The following ZNF282 variants were observed in gnomAD, a reference collection of about 807,000 sequenced individuals.
ZNF282 encodes the protein HTLV-I U5 repressive element-binding protein 1.
ZNF282 carries 30 observed loss-of-function variants against 61.9 expected under a neutral mutation model. The observed-to-expected ratio is 0.48, with a 90% CI of 0.36 to 0.66. The LOEUF (loss-of-function observed/expected upper bound fraction) is 0.66, where lower values mean the gene tolerates loss of function less well. Among genes scored for constraint, ZNF282 ranks in the 30% least tolerant of loss-of-function variants. The pLI, the probability that ZNF282 is intolerant of heterozygous loss-of-function variation, is 0.00. For synonymous variants in ZNF282, 396 were observed against 405.0 expected, an observed-to-expected ratio of 0.98 and a Z score of 0.27; for missense variants, 788 against 941.4, an observed-to-expected ratio of 0.84 and a Z score of 2.13.
At position 149,210,581 on chromosome 7, in the gene ZNF282, C is replaced by G. The variant is rs745847166; in HGVS notation, c.833-4C>G. 1.9e-6 allele frequency: 3 copies of G among 1,610,250 alleles called. No homozygotes were observed. Among genetic ancestry groups the G allele is most frequent in the Non-Finnish European group, 2.5e-6 (3 of 1,178,444 alleles). On this transcript the variant is annotated splice_polypyrimidine_tract_variant and splice_region_variant and intron_variant, in intron 4 of 7. Coordinates refer to ENST00000610704, the MANE Select transcript of ZNF282 (RefSeq NM_003575.4). ...CACAAAGCAATGTCATTCTCTGTCC[C>G]CAGGAGCAGAGCCCCTGGTGCCTGC...
chr7:149,199,150 G>T (rs141401904), intron 2 of ZNF282, among the ~76,000 whole-genome samples: 1 of 152,158 alleles, frequency 6.6e-6, no homozygotes, highest in South Asian at 2.1e-4. Flanking sequence ...AAACCAGGCT[G>T]CCTGGAGTTG....
In ZNF282 at chr7:149,224,440, A is replaced by C; in HGVS notation, c.1809A>C (p.Gln603His). ...QRLHTGERPF[Q>H]CALCGKSFIR... ...TGCACACGGGCGAGCGGCCTTTCCAATGTGCACTGTGCGGCAAGAGCTTCA... is the reference window on the plus strand; with the variant it reads ...TGCACACGGGCGAGCGGCCTTTCCACTGTGCACTGTGCGGCAAGAGCTTCA... Residue 603 changes from glutamine (Q) to histidine (H), a missense_variant, in exon 8 of 8, where the codon CAA becomes CAC. Around this residue, in one of 3 missense-constraint regions of ZNF282, gnomAD observed 559 missense variants for 642.0 expected, o/e 0.87. Coordinates refer to ENST00000610704, the MANE Select transcript of ZNF282 (RefSeq NM_003575.4). The C allele has an allele frequency of 6.2e-7, 1 of 1,612,540 alleles. No homozygotes were observed.
intron 4 of ZNF282, among the ~76,000 whole-genome samples, chr7:149,209,141 A>G (rs1188333210): frequency 1.3e-5 from 2 of 151,314 alleles, no homozygotes; most frequent in African/African-American, 4.9e-5. Flanking sequence ...ACACGGTGAA[A>G]CCGTGTCTCT....
At position 149,210,587 on chromosome 7, in the gene ZNF282, G is replaced by A. The variant is rs1796066354; in HGVS notation, c.835G>A (p.Ala279Thr). 4.3e-6 allele frequency: 7 copies of A among 1,610,954 alleles called. No individual in the cohort carries two copies. The highest frequency in any genetic ancestry group is 5.9e-6 in the Non-Finnish European group (7 of 1,178,760). ...GCAATGTCATTCTCTGTCCCCAGGA[G>A]CAGAGCCCCTGGTGCCTGCGCAGGA... ...REIPMDPEAG[A>T]EPLVPAQDAS... Residue 279 changes from alanine (A) to threonine (T), a missense_variant and splice_region_variant, in exon 5 of 8, where the codon GCA becomes ACA. Transcript: ENST00000610704.
In ZNF282 at chr7:149,195,697, C is replaced by T. The variant is rs368416422; in HGVS notation, c.108C>T (p.Val36=). 1 of 1,569,128 alleles carries T rather than the reference C, an allele frequency of 6.4e-7. No homozygotes were observed. Among genetic ancestry groups the T allele is most frequent in the African/African-American group, 1.4e-5 (1 of 72,230 alleles). ...SWAQALPPEE[V]CHQEPALRGE... is the part of the protein sequence containing the mutation. ...CCCAGGCTCTGCCCCCGGAGGAGGT[C>T]TGCCACCAGGAGCCGGCGCTGCGCG... Residue 36 remains valine (V), a synonymous_variant, in exon 1 of 8, where the codon GTC becomes GTT. Transcript: ENST00000610704.
intron 1 of ZNF282, among the ~76,000 whole-genome samples, chr7:149,197,220 T>C (rs180978223): frequency 5.5e-4 from 84 of 152,314 alleles, no homozygotes; most frequent in African/African-American, 1.9e-3. Flanking sequence ...CCCCAGGCCA[T>C]GGGGCACCCC....
In ZNF282 at chr7:149,198,550, C is replaced by T; in HGVS notation, c.383C>T (p.Thr128Ile). The T allele has an allele frequency of 1.9e-6, 3 of 1,614,206 alleles. No homozygotes were observed. In the South Asian group the frequency reaches 3.3e-5, roughly 18 times the overall value. Residue 128 changes from threonine (T) to isoleucine (I), a missense_variant, in exon 2 of 8, where the codon ACA (threonine) becomes ATA (isoleucine). Around this residue, in one of 3 missense-constraint regions of ZNF282, gnomAD observed 92 missense variants for 163.9 expected, o/e 0.56. Coordinates refer to ENST00000610704, the MANE Select transcript of ZNF282 (RefSeq NM_003575.4). The surrounding 1 kb of genome is among the most constrained non-coding windows in gnomAD (Gnocchi z 4.3). ...CTGAACCTGGAGGGGCGCACGGGGACAGCCGAGAAGAAGCTGGCCGACTGT... is the reference window on the plus strand; with the variant it reads ...CTGAACCTGGAGGGGCGCACGGGGATAGCCGAGAAGAAGCTGGCCGACTGT... ...QLLNLEGRTG[T>I]AEKKLADCEK...
intron 7 of ZNF282, among the ~76,000 whole-genome samples, chr7:149,218,783 T>C (rs1796195935): frequency 6.6e-6 from 1 of 151,766 alleles, no homozygotes; most frequent in African/African-American, 2.4e-5. Context: ...CATAATTTGC[T>C]AGAATGACTC....
intron 7 of ZNF282, among the ~76,000 whole-genome samples, chr7:149,216,914 G>A (rs534561623): frequency 2.6e-5 from 4 of 152,346 alleles, no homozygotes; most frequent in Admixed American, 1.3e-4. Flanking sequence ...CTCTCAGCAT[G>A]TTAGTGTAAG....
Position 149,224,047 on chromosome 7 carries a change from C to G in ZNF282, c.1416C>G (p.Thr472=), listed in dbSNP as rs1361550037. 2 of 1,058,128 alleles carry G rather than the reference C, an allele frequency of 1.9e-6. No individual in the cohort carries two copies. Among genetic ancestry groups the G allele is most frequent in the Non-Finnish European group, 2.4e-6 (2 of 849,722 alleles). 65.5% of individuals were successfully genotyped at this position (1,058,128 alleles called of 1,614,324 possible). The part of the protein sequence containing the change: ...GEAPPGGDRS[T]GGGGGDGGGG... ...CGCCGCCGGGTGGGGACCGCAGCAC[C>G]GGGGGCGGCGGGGGCGATGGGGGCG... Residue 472 remains threonine (T), a synonymous_variant, in exon 8 of 8, where the codon ACC becomes ACG. Transcript: ENST00000610704.
At chr7:149,220,805 G>A (rs1796233657) in intron 7 of ZNF282, among the ~76,000 whole-genome samples, 1 of 152,182 alleles carries the variant, frequency 6.6e-6, no homozygotes, top group South Asian at 2.1e-4. Flanking sequence ...TGGGTTGGGG[G>A]GGAGGGGCGT....
chr7:149,224,821 G>A lies in ZNF282; in HGVS notation c.*174G>A, dbSNP rs773296334. 7 of 1,211,996 alleles carry A rather than the reference G, an allele frequency of 5.8e-6. No individual in the cohort carries two copies. Among genetic ancestry groups the A allele is most frequent in the Non-Finnish European group, 7.8e-6 (7 of 899,318 alleles). 75.1% of individuals were successfully genotyped at this position (1,211,996 alleles called of 1,614,324 possible). ...CCCCCAGATCTGTCTGGTCTGAATG[G>A]ACGCCCAGCTCATCTAGGGTGGACC... On this transcript the variant is annotated 3_prime_UTR_variant, in exon 8 of 8. Coordinates refer to ENST00000610704, the MANE Select transcript of ZNF282 (RefSeq NM_003575.4).
chr7:149,213,247 C>T (rs1182200486), intron 6 of ZNF282, among the ~76,000 whole-genome samples: 2 of 152,176 alleles, frequency 1.3e-5, no homozygotes, highest in Non-Finnish European at 2.9e-5. Context: ...ATTGAGGGGA[C>T]CCAGGGCAGA....
intron 2 of ZNF282, among the ~76,000 whole-genome samples, chr7:149,204,771 G>A (rs998376373): frequency 3.3e-5 from 5 of 152,140 alleles, no homozygotes; most frequent in South Asian, 2.1e-4. Context: ...GTGAGACAGC[G>A]GTATGAATTG....
At chr7:149,202,724 T>TA (rs1264416687) in intron 2 of ZNF282, among the ~76,000 whole-genome samples, 1 of 152,254 alleles carries the variant, frequency 6.6e-6, no homozygotes, top group Non-Finnish European at 1.5e-5. Context: ...GTGCTGGGAT[T>TA]ACAGGCGTGA....
In ZNF282 at chr7:149,224,343, A is replaced by G. The variant is rs1380027837; in HGVS notation, c.1712A>G (p.Glu571Gly). The change falls in exon 8 of 8, where the codon GAG becomes GGG. Residue 571 changes from glutamate to glycine, a missense_variant. Around this residue, in one of 3 missense-constraint regions of ZNF282, gnomAD observed 559 missense variants for 642.0 expected, o/e 0.87. Transcript: ENST00000610704. ...CGCCACCAGATGACGCACCGCGGCG[A>G]GCGGCCCTACAAGTGCTCGGAGTGC... is the stretch of plus-strand genomic sequence containing the variant. ...LIRHQMTHRG[E>G]RPYKCSECEK... is the part of the protein sequence containing the mutation. The G allele has an allele frequency of 6.2e-7, 1 of 1,613,806 alleles. No homozygotes were observed. The highest frequency in any genetic ancestry group is 8.5e-7 in the Non-Finnish European group (1 of 1,179,926).
chr7:149,206,583 CGGAGAGCAAAGGCCGGGCTTTGGTGG>C, intron 2 of ZNF282, 87 bp from the exon 3 acceptor site: 1 of 1,522,012 alleles, frequency 6.6e-7, no homozygotes. Context: ...TGGGGAGCCA[CGGAGAGCAAAGGCCGGGCTTTGGTGG>C]GGAGTGGGTC....
rs1262902255 is a variant in ZNF282, at chr7:149,223,861, C to A, written c.1230C>A (p.Pro410=). ...ACCCACCCCCGGCCCCGCCACAGCC[C>A]CAGCCCCAGCCCCAGCCACCGCAGC... is the stretch of plus-strand genomic sequence containing the variant. The part of the protein sequence containing the change: ...VKNPPPAPPQ[P]QPQPQPPQPQ... The change falls in exon 8 of 8, where the codon CCC becomes CCA. Residue 410 remains proline (P), a synonymous_variant. Coordinates refer to ENST00000610704, the MANE Select transcript of ZNF282 (RefSeq NM_003575.4). 5 of 1,450,066 alleles carry A rather than the reference C, an allele frequency of 3.4e-6. No homozygotes were observed. The South Asian group carries it at 4.0e-5, about 12-fold the overall frequency. 89.8% of individuals were successfully genotyped at this position (1,450,066 alleles called of 1,614,324 possible). A position where few individuals can be genotyped will look rare whatever the true frequency, so the allele number is the denominator to read the frequency against.
chr7:149,220,802 G>A (rs555918106), intron 7 of ZNF282, among the ~76,000 whole-genome samples: 1 of 152,142 alleles, frequency 6.6e-6, no homozygotes, highest in Non-Finnish European at 1.5e-5. Flanking sequence ...GCATGGGTTG[G>A]GGGGGAGGGG....
Sources: allele counts gnomAD v4.1 joint callset (sites outside exome capture counted in the v4.1 genomes callset), GRCh38; gene constraint gnomAD v4.1.1; regional missense constraint gnomAD v4.1.1; non-coding constraint Gnocchi (gnomAD v3.1); transcripts MANE v1.5; gene names NCBI Gene and HGNC (gene_info 2026-07-23, HGNC 2026-07-21).